The following MYH8 variants were observed in gnomAD, a reference collection of about 807,000 sequenced individuals.
MYH8 encodes the protein myosin-8.
In MYH8, 168 loss-of-function variants were observed where a neutral mutation model predicts 233.2. That is an observed-to-expected ratio of 0.72 (90% CI 0.64 to 0.82). The LOEUF (loss-of-function observed/expected upper bound fraction) is 0.82. Among genes scored for constraint, MYH8 ranks in the 40% least tolerant of loss-of-function variants. MYH8 has a pLI of 0.00. For synonymous variants in MYH8, 785 were observed against 850.6 expected (o/e 0.92, Z 1.34); for missense variants, 1,995 against 2,327.8 (o/e 0.86, Z 2.94).
At chr17:10,418,574 C>T (rs1048472216) in intron 5 of MYH8, 71 bp downstream of exon 5, 2 of 1,611,328 alleles carry the variant, frequency 1.2e-6, no homozygotes, top group East Asian at 2.2e-5. Context: ...TAAAGAGGCT[C>T]GGAAGAGGTC....
Position 10,400,919 on chromosome 17 carries a change from C to A in MYH8, c.3295G>T (p.Asp1099Tyr), listed in dbSNP as rs775166125. ...EISNLISKIE[D>Y]EQAVEIQLQK... ...AGTTGAATTTCTACAGCTTGCTCAT[C>A]TTCAATTTTGCTTATCAAATTGCTG... Residue 1099 changes from aspartate to tyrosine, a missense_variant, in exon 26 of 40, where the codon GAT (aspartate) becomes TAT (tyrosine). Transcript: ENST00000403437. The surrounding 1 kb of genome is among the most constrained non-coding windows in gnomAD (Gnocchi z 4.0). 9 of 1,613,708 alleles carry A rather than the reference C, an allele frequency of 5.6e-6. No homozygotes were observed. The highest frequency in any genetic ancestry group is 7.6e-6 in the Non-Finnish European group (9 of 1,180,040).
At position 10,398,643 on chromosome 17, in the gene MYH8, G is replaced by A. The variant is rs571370491; in HGVS notation, c.3982-3C>T. 1.9e-6 allele frequency: 3 copies of A among 1,614,194 alleles called. No individual in the cohort carries two copies. Among genetic ancestry groups the A allele is most frequent in the East Asian group, 4.5e-5 (2 of 44,882 alleles). ...GCGTGTGCCAGGGCGTTCTTGGCCT[G>A]CAGAAGTAGCAGTTCAGTGACATAA... On this transcript the variant is annotated splice_region_variant and splice_polypyrimidine_tract_variant and intron_variant, in intron 29 of 39. Transcript: ENST00000403437.
In MYH8 at chr17:10,419,966, C is replaced by G; in HGVS notation, c.210+52G>C. 6.3e-7 allele frequency: 1 copy of G among 1,582,988 alleles called. No individual in the cohort carries two copies. Among genetic ancestry groups the G allele is most frequent in the Non-Finnish European group, 8.7e-7 (1 of 1,152,392 alleles). ...AGATTCCCAGTAAGTTAGGCTTCAA[C>G]TTTTGAACCAAGAAATAAAATGGGG... On this transcript the variant is annotated intron_variant, in intron 3 of 39. Coordinates refer to ENST00000403437, the MANE Select transcript of MYH8 (RefSeq NM_002472.3). This position sits in a 1 kb window ranked among gnomAD's most constrained non-coding sequence, Gnocchi z 4.0.
At position 10,396,947 on chromosome 17, in the gene MYH8, A is replaced by G. The variant is rs780750095; in HGVS notation, c.4218T>C (p.His1406=). The G allele has an allele frequency of 3.7e-6, 6 of 1,614,160 alleles. No homozygotes were observed. The highest frequency in any genetic ancestry group is 5.1e-6 in the Non-Finnish European group (6 of 1,180,024). The change falls in exon 31 of 40, where the codon CAT becomes CAC. Residue 1406 remains histidine (H), a synonymous_variant. Transcript: ENST00000403437. The surrounding 1 kb of genome is among the most constrained non-coding windows in gnomAD (Gnocchi z 4.2). ...CACATTTGGCGTTCACAGCTTCTACATGTTCCTCAGCTTCTTGCAGGCGCT... is the reference window on the plus strand; with the variant it reads ...CACATTTGGCGTTCACAGCTTCTACGTGTTCCTCAGCTTCTTGCAGGCGCT... ...LAQRLQEAEE[H]VEAVNAKCAS...
chr17:10,401,405 G>A lies in MYH8; in HGVS notation c.2978C>T (p.Ala993Val), dbSNP rs759884889. Residue 993 changes from alanine to valine, a missense_variant, in exon 24 of 40, where the codon GCA (alanine) becomes GTA (valine). Physicochemically the swap from Ala to Val is moderately conservative, Grantham distance 64 (BLOSUM62 0). Transcript: ENST00000403437. ...AGCCTTCTTCTCCTTGGACAGTTTT[G>A]CAATGGTTTCATCCAGGCCTGCCAT... ...EEMAGLDETI[A>V]KLSKEKKALQ... The A allele has an allele frequency of 3.1e-6, 5 of 1,613,786 alleles. No individual in the cohort carries two copies. The South Asian group carries it at 5.5e-5, about 18-fold the overall frequency.
chr17:10,411,377 G>GA (rs35652449), intron 14 of MYH8, among the ~76,000 whole-genome samples: 183 of 137,508 alleles, frequency 1.3e-3, no homozygotes, highest in Non-Finnish European at 1.3e-3. Flanking sequence ...CCCTGTCTCA[G>GA]AAAAAAAAAA....
chr17:10,410,994 A>G, intron 14 of MYH8, 47 bp from the exon 15 acceptor site: 1 of 1,613,466 alleles, frequency 6.2e-7, no homozygotes, highest in Non-Finnish European at 8.5e-7. Flanking sequence ...GTTTTATAGT[A>G]GTAAAATTCA....
intron 27 of MYH8, 27 bp from the exon 28 acceptor site, chr17:10,399,696 G>A (rs1226421150): frequency 1.9e-6 from 3 of 1,613,510 alleles, no homozygotes; most frequent in South Asian, 1.1e-5. Context: ...AATGAAAGAT[G>A]AGACATTGAA....
chr17:10,406,076 T>G lies in MYH8; in HGVS notation c.2397A>C (p.Leu799=). ...TRTQAVCRGF[L]MRVEYQKMLQ... Reference sequence around the variant, plus strand: ...ACATCTTCTGATATTCTACCCTCATTAGGAATCCCCTACAGACAGCTTGTG... The same window carrying G: ...ACATCTTCTGATATTCTACCCTCATGAGGAATCCCCTACAGACAGCTTGTG... Residue 799 remains leucine (L), a synonymous_variant, in exon 21 of 40, where the codon CTA becomes CTC. Transcript: ENST00000403437. 6.2e-7 allele frequency: 1 copy of G among 1,614,044 alleles called. No homozygotes were observed. The highest frequency in any genetic ancestry group is 8.5e-7 in the Non-Finnish European group (1 of 1,179,956).
chr17:10,404,195 C>T (rs2142178126), intron 22 of MYH8, 135 bp downstream of exon 22: 4 of 1,080,090 alleles, frequency 3.7e-6, no homozygotes, highest in Non-Finnish European at 4.0e-6. Context: ...CCATAGAATA[C>T]TAAAAGATAA....
intron 15 of MYH8, 108 bp from the exon 16 acceptor site, chr17:10,409,696 T>G: frequency 6.9e-7 from 1 of 1,439,170 alleles, no homozygotes. Context: ...AATATATGTA[T>G]GAAATAAACC....
Position 10,412,769 on chromosome 17 carries a change from T to C in MYH8, c.1148-41A>G, listed in dbSNP as rs775082762. The C allele has an allele frequency of 3.4e-6, 5 of 1,465,592 alleles. No homozygotes were observed. The East Asian group carries it at 1.1e-4, about 33-fold the overall frequency. The allele number at this position is 1,465,592 out of a possible 1,614,324, so 90.8% of individuals were successfully genotyped here. A position where few individuals can be genotyped will look rare whatever the true frequency, so the allele number is the denominator to read the frequency against. ...TCAGGACATGTTGTTTCATGAAGGA[T>C]ATCCTCTTTTACCTAATCTTTCCAT... On this transcript the variant is annotated intron_variant, in intron 12 of 39. Coordinates refer to ENST00000403437, the MANE Select transcript of MYH8 (RefSeq NM_002472.3).
At chr17:10,398,984 ATG>A (rs746761681) in intron 28 of MYH8, 98 bp from the exon 29 acceptor site, 26 of 502,534 alleles carry the variant, frequency 5.2e-5, no homozygotes, top group African/African-American at 9.3e-5. Context: ...ATATGTATAT[ATG>A]TGTGTGTGTA....
intron 35 of MYH8, among the ~76,000 whole-genome samples, chr17:10,393,906 G>A (rs564568547): frequency 6.7e-6 from 1 of 148,390 alleles, no homozygotes; most frequent in South Asian, 2.2e-4. Context: ...GAGGCAACAG[G>A]TATCTTTACT....
rs1350472284 is a variant in MYH8, at chr17:10,415,952, TA to T, written c.512-245del. On this transcript the variant is annotated intron_variant, in intron 5 of 39. Transcript: ENST00000403437. The surrounding 1 kb of genome is among the most constrained non-coding windows in gnomAD (Gnocchi z 4.1). Reference sequence around the variant, plus strand: ...ATTTTTAATTGCGATGAGATACACATAACATAAAATTTACCATCTTAACCAT... The same window carrying T: ...ATTTTTAATTGCGATGAGATACACATACATAAAATTTACCATCTTAACCAT... Among the ~76,000 whole-genome samples the T allele has an allele frequency of 1.3e-5, 2 of 152,196 alleles. No homozygotes were observed. The highest frequency in any genetic ancestry group is 2.4e-5 in the African/African-American group (1 of 41,456).
chr17:10,391,451 G>C (rs532027702), intron 39 of MYH8, among the ~76,000 whole-genome samples: 2 of 152,222 alleles, frequency 1.3e-5, no homozygotes, highest in East Asian at 3.9e-4. Flanking sequence ...AGGCCGAGGT[G>C]GGTGGATCAC....
chr17:10,399,471 G>T (rs1567683250), intron 28 of MYH8, 72 bp downstream of exon 28: 3 of 1,605,366 alleles, frequency 1.9e-6, no homozygotes, highest in Admixed American at 1.7e-5. Context: ...TGGGAATATT[G>T]CTATTTATTA....
chr17:10,391,809 G>A (rs1244047634), intron 39 of MYH8, 73 bp downstream of exon 39: 12 of 1,092,032 alleles, frequency 1.1e-5, no homozygotes, highest in Non-Finnish European at 1.7e-5. Flanking sequence ...CTTCCTTATT[G>A]ACGCATTCTC....
chr17:10,412,838 AT>A, intron 12 of MYH8, 110 bp from the exon 13 acceptor site: 2 of 1,128,594 alleles, frequency 1.8e-6, no homozygotes, highest in Non-Finnish European at 2.7e-6. Context: ...AGCTTAAATA[AT>A]TCTATAAAAG....
Sources: gnomAD v4.1 joint callset for allele counts (sites outside exome capture counted in the v4.1 genomes callset) on GRCh38, gnomAD v4.1.1 for gene constraint, Gnocchi (gnomAD v3.1) non-coding constraint, MANE v1.5 for transcripts, NCBI Gene and HGNC (gene_info 2026-07-23, HGNC 2026-07-21) for gene names.